The following GALNT5 variants were observed in gnomAD, a reference collection of about 807,000 sequenced individuals.
GALNT5 encodes polypeptide N-acetylgalactosaminyltransferase 5, also known as UDP-GalNAc:polypeptide N-acetylgalactosaminyltransferase 5.
GALNT5 carries 72 observed loss-of-function variants against 85.4 expected under a neutral mutation model. That is an observed-to-expected ratio of 0.84 (90% CI 0.70 to 1.03). The LOEUF (loss-of-function observed/expected upper bound fraction) is 1.03, where lower values mean the gene tolerates loss of function less well. Ranked by LOEUF, GALNT5 falls within the 50% of genes least tolerant of loss-of-function variation. GALNT5 has a pLI of 0.00. For synonymous variants in GALNT5, 404 were observed against 397.0 expected (o/e 1.02, Z -0.21); for missense variants, 1,137 against 1,135.5 (o/e 1.00, Z -0.02).
chr2:157,260,891 A>C (rs1682322270), intron 1 of GALNT5, among the ~76,000 whole-genome samples: 1 of 152,234 alleles, frequency 6.6e-6, no homozygotes, highest in African/African-American at 2.4e-5. Flanking sequence ...TGATAATCAC[A>C]GTCTTGAGGA....
intron 6 of GALNT5, among the ~76,000 whole-genome samples, chr2:157,300,458 A>G (rs1274098442): frequency 6.6e-6 from 1 of 152,234 alleles, no homozygotes; most frequent in Non-Finnish European, 1.5e-5. Flanking sequence ...ATTGAAAGTT[A>G]GGAAAGAAAA....
intron 1 of GALNT5, among the ~76,000 whole-genome samples, chr2:157,276,233 T>C (rs1574017796): frequency 6.6e-6 from 1 of 152,226 alleles, no homozygotes; most frequent in South Asian, 2.1e-4. Context: ...CAGTATTTTA[T>C]TGAGGATTTT....
chr2:157,266,435 C>T (rs1329843764), intron 1 of GALNT5, among the ~76,000 whole-genome samples: 1 of 152,208 alleles, frequency 6.6e-6, no homozygotes, highest in African/African-American at 2.4e-5. Flanking sequence ...CCATCATCAC[C>T]TGCAAGTCTC....
At position 157,311,222 on chromosome 2, in the gene GALNT5, T is replaced by C; in HGVS notation, c.2697T>C (p.Val899=). The C allele has an allele frequency of 6.2e-7, 1 of 1,610,998 alleles. No individual in the cohort carries two copies. Among genetic ancestry groups the C allele is most frequent in the Non-Finnish European group, 8.5e-7 (1 of 1,178,080 alleles). ...TTTCTCTCCAGGTGAATCACATTGT[T>C]TTTGAAAACAATCAGCAATTATTAT... ...VFHPELVNHI[V]FENNQQLLCL... is the part of the protein sequence containing the mutation. The change falls in exon 10 of 10, where the codon GTT becomes GTC. Residue 899 remains valine, a synonymous_variant. Transcript: ENST00000259056.
chr2:157,278,458 C>G (rs530615718), intron 1 of GALNT5, among the ~76,000 whole-genome samples: 87 of 152,296 alleles, frequency 5.7e-4, no homozygotes, highest in African/African-American at 2.0e-3. Context: ...ACTAATCAAA[C>G]ATAGATTTGG....
Position 157,299,630 on chromosome 2 carries a change from G to A in GALNT5, c.2080G>A (p.Val694Ile), listed in dbSNP as rs765891724. Residue 694 changes from valine to isoleucine, a missense_variant, in exon 6 of 10, where the codon GTT becomes ATT. Val to Ile is a conservative substitution (Grantham distance 29). Coordinates refer to ENST00000259056, the MANE Select transcript of GALNT5 (RefSeq NM_014568.3). Reference protein sequence around the residue: ...ELGTYDPGLDVWGGENMELSF... With the variant: ...ELGTYDPGLDIWGGENMELSF... ...TGGAACATACGACCCTGGCCTTGAT[G>A]TTTGGGGTGGGGAAAATATGGAGCT... The A allele has an allele frequency of 4.9e-5, 79 of 1,610,732 alleles. No homozygotes were observed. Among genetic ancestry groups the A allele is most frequent in the Non-Finnish European group, 6.4e-5 (75 of 1,177,196 alleles).
rs892876713 is a variant in GALNT5 at position 157,316,662 on chromosome 2, G to C, written c.*5314G>C. Among the ~76,000 whole-genome samples, 8 of 151,958 alleles carry C rather than the reference G, an allele frequency of 5.3e-5. No homozygotes were observed. The highest frequency in any genetic ancestry group is 5.2e-4 in the Admixed American group (8 of 15,246). On this transcript the variant is annotated 3_prime_UTR_variant, in exon 10 of 10. Transcript: ENST00000259056. ...ATATTGTACAAAATATTTATTTTTTGACAGTTTTGAATAAGCCATATAAAG... is the reference window on the plus strand; with the variant it reads ...ATATTGTACAAAATATTTATTTTTTCACAGTTTTGAATAAGCCATATAAAG...
chr2:157,293,299 G>C (rs1683137459), intron 3 of GALNT5, among the ~76,000 whole-genome samples: 1 of 152,208 alleles, frequency 6.6e-6, no homozygotes, highest in Non-Finnish European at 1.5e-5. Flanking sequence ...CTCACTGTCT[G>C]CTTCAAAGGC....
intron 7 of GALNT5, 133 bp downstream of exon 7, chr2:157,301,132 T>A: frequency 1.5e-6 from 1 of 667,364 alleles, no homozygotes; most frequent in Non-Finnish European, 2.5e-6. Flanking sequence ...GGACAAAGCA[T>A]GGCTGAGAAT....
In GALNT5 at chr2:157,317,649, A is replaced by T. The variant is rs1008011968; in HGVS notation, c.*6301A>T. 6.6e-6 allele frequency among the ~76,000 whole-genome samples: 1 copy of T among 152,178 alleles called. No individual in the cohort carries two copies. The highest frequency in any genetic ancestry group is 2.1e-4 in the South Asian group (1 of 4,832). On this transcript the variant is annotated 3_prime_UTR_variant, in exon 10 of 10. Transcript: ENST00000259056. ...GTACTTTTTCTTTTGCATCTGATCGACTGAAGTTATTATAAAGAAGGAATC... is the reference window on the plus strand; with the variant it reads ...GTACTTTTTCTTTTGCATCTGATCGTCTGAAGTTATTATAAAGAAGGAATC...
In GALNT5 at chr2:157,284,451, A is replaced by G; in HGVS notation, c.1621+3A>G. On this transcript the variant is annotated splice_donor_region_variant and intron_variant, in intron 2 of 9. Transcript: ENST00000259056. ...GGTAGATGACTTCAGCACCAAAGGT[A>G]AGAAAACCACTCAGGCTATCTCTTG... is the stretch of plus-strand genomic sequence containing the variant. The G allele has an allele frequency of 1.2e-6, 2 of 1,612,988 alleles. No individual in the cohort carries two copies. The highest frequency in any genetic ancestry group is 1.7e-6 in the Non-Finnish European group (2 of 1,179,254).
At chr2:157,272,212 T>C (rs1436059071) in intron 1 of GALNT5, among the ~76,000 whole-genome samples, 1 of 152,110 alleles carries the variant, frequency 6.6e-6, no homozygotes, top group Non-Finnish European at 1.5e-5. Flanking sequence ...TGCTCATAAA[T>C]ATGATTCTGT....
intron 5 of GALNT5, among the ~76,000 whole-genome samples, chr2:157,297,054 T>C (rs945404419): frequency 9.2e-5 from 14 of 152,186 alleles, no homozygotes; most frequent in African/African-American, 3.1e-4. Flanking sequence ...CAGCTTAGAC[T>C]TGAAGCTGAA....
intron 1 of GALNT5, among the ~76,000 whole-genome samples, chr2:157,273,676 C>G (rs1278883374): frequency 4.2e-5 from 1 of 23,534 alleles, no homozygotes; most frequent in Non-Finnish European, 8.1e-5. Flanking sequence ...GATTTTTGCT[C>G]TTGTTGCCCA....
At chr2:157,268,700 C>G (rs1256904973) in intron 1 of GALNT5, among the ~76,000 whole-genome samples, 1 of 152,154 alleles carries the variant, frequency 6.6e-6, no homozygotes, top group Non-Finnish European at 1.5e-5. Context: ...AGTATGTCAG[C>G]TAAGTGCAGG....
chr2:157,262,603 C>T (rs1473361635), intron 1 of GALNT5, among the ~76,000 whole-genome samples: 2 of 150,868 alleles, frequency 1.3e-5, no homozygotes, highest in Non-Finnish European at 2.9e-5. Context: ...GTGCCACTAG[C>T]CTGGGTGACA....
At chr2:157,298,552 A>T (rs1411920898) in intron 5 of GALNT5, among the ~76,000 whole-genome samples, 2 of 152,206 alleles carry the variant, frequency 1.3e-5, no homozygotes, top group African/African-American at 4.8e-5. Context: ...CGAAAGGAGT[A>T]CTTGAAACCC....
At chr2:157,308,432 G>A in intron 8 of GALNT5, 135 bp from the exon 9 acceptor site, 1 of 665,250 alleles carries the variant, frequency 1.5e-6, no homozygotes, top group Non-Finnish European at 2.6e-6. Context: ...AATTACAAAT[G>A]ATAATACCAG....
rs1395659500 is a variant in GALNT5 at position 157,312,207 on chromosome 2, T to A, written c.*859T>A. 3 of 152,128 alleles carry A rather than the reference T, an allele frequency of 2.0e-5. No homozygotes were observed. Among genetic ancestry groups the A allele is most frequent in the Non-Finnish European group, 4.4e-5 (3 of 68,008 alleles). 9.4% of individuals were successfully genotyped at this position (152,128 alleles called of 1,614,324 possible). ...GAATGCACTCTAGTGCAGGGCCAAG[T>A]AAGAGGAGTTGAAATGAGTAAAGCA... On this transcript the variant is annotated 3_prime_UTR_variant, in exon 10 of 10. Transcript: ENST00000259056.
Sources: gnomAD v4.1 joint callset for allele counts (sites outside exome capture counted in the v4.1 genomes callset) on GRCh38, gnomAD v4.1.1 for gene constraint, MANE v1.5 for transcripts, NCBI Gene and HGNC (gene_info 2026-07-23, HGNC 2026-07-21) for gene names.